The following PRKCA variants were observed in gnomAD, a reference collection of about 807,000 sequenced individuals.
The protein encoded by PRKCA is protein kinase C alpha type.
A neutral mutation model predicts 87.0 loss-of-function variants in PRKCA; 27 were observed. That is an observed-to-expected ratio of 0.31 (90% confidence interval 0.23 to 0.43). The LOEUF (loss-of-function observed/expected upper bound fraction) is 0.43. Among genes scored for constraint, PRKCA ranks in the 20% least tolerant of loss-of-function variants. The probability of loss-of-function intolerance (pLI) is 1.00; values close to 1 mark genes in which losing one functional copy is unlikely to be tolerated. For synonymous variants in PRKCA, 329 were observed against 311.1 expected (o/e 1.06, Z -0.61); for missense variants, 518 against 852.3 (o/e 0.61, Z 4.88).
At chr17:66,652,123 T>C (rs1971605649) in intron 5 of PRKCA, among the ~76,000 whole-genome samples, 2 of 152,088 alleles carry the variant, frequency 1.3e-5, no homozygotes, top group South Asian at 4.1e-4. Flanking sequence ...CATGCCCGGC[T>C]AATTTTTGTT....
At chr17:66,581,633 G>A (rs555751310) in intron 3 of PRKCA, among the ~76,000 whole-genome samples, 1 of 152,034 alleles carries the variant, frequency 6.6e-6, no homozygotes, top group South Asian at 2.1e-4. Context: ...CCGCCACCAC[G>A]CCTGGCTAAT....
intron 8 of PRKCA, among the ~76,000 whole-genome samples, chr17:66,725,915 A>C (rs1973736075): frequency 2.6e-5 from 4 of 152,064 alleles, no homozygotes; most frequent in Admixed American, 2.6e-4. Context: ...CCCAGGAGAC[A>C]TGGGTGGGGA....
intron 2 of PRKCA, among the ~76,000 whole-genome samples, chr17:66,431,617 C>T (rs542012367): frequency 3.9e-5 from 6 of 152,302 alleles, no homozygotes; most frequent in South Asian, 2.1e-4. Context: ...GGGTAGCTGT[C>T]GCTTCCCCTC....
chr17:66,471,874 G>A (rs1029090163), intron 2 of PRKCA, among the ~76,000 whole-genome samples: 3 of 152,074 alleles, frequency 2.0e-5, no homozygotes, highest in African/African-American at 7.2e-5. Flanking sequence ...GAACCATGTG[G>A]GTGGGGCCGG....
intron 2 of PRKCA, among the ~76,000 whole-genome samples, chr17:66,373,372 GGTAA>G (rs920585225): frequency 1.3e-5 from 2 of 152,132 alleles, no homozygotes; most frequent in African/African-American, 2.4e-5. Flanking sequence ...GCCCAGAGAG[GGTAA>G]GTGACTTGTC....
intron 2 of PRKCA, among the ~76,000 whole-genome samples, chr17:66,380,640 A>C (rs1280348299): frequency 6.6e-6 from 1 of 152,172 alleles, no homozygotes; most frequent in Non-Finnish European, 1.5e-5. Flanking sequence ...GCCTGCAGTA[A>C]AGGAATAATA....
rs574549821 is a variant in PRKCA, at chr17:66,566,147, G to A, written c.288+69864G>A. The stretch of plus-strand genomic sequence containing the variant: ...CCTGGACCCTCTCTCAGCACCCTTG[G>A]GCTAAGATGCACTCTTGAACACATT... On this transcript the variant is annotated intron_variant, in intron 3 of 16. Transcript: ENST00000413366. Among the ~76,000 whole-genome samples, 118 of 152,184 alleles carry A rather than the reference G, an allele frequency of 7.8e-4. 1 individual carries two copies. Among genetic ancestry groups the A allele is most frequent in the Middle Eastern group, 3.4e-3 (1 of 294 alleles).
intron 8 of PRKCA, among the ~76,000 whole-genome samples, chr17:66,706,499 C>T (rs959096374): frequency 6.6e-6 from 1 of 151,530 alleles, no homozygotes; most frequent in Non-Finnish European, 1.5e-5. Context: ...AAAAATTAGC[C>T]AGGCATGATG....
At chr17:66,751,446 G>T (rs1283765139) in intron 13 of PRKCA, among the ~76,000 whole-genome samples, 1 of 152,140 alleles carries the variant, frequency 6.6e-6, no homozygotes, top group African/African-American at 2.4e-5. Context: ...ATCACTTATT[G>T]CCCTGTCTCC....
At chr17:66,710,520 C>G (rs1381331408) in intron 8 of PRKCA, among the ~76,000 whole-genome samples, 2 of 152,096 alleles carry the variant, frequency 1.3e-5, no homozygotes, top group Admixed American at 6.5e-5. Context: ...AAAACACTTG[C>G]CTTGGTTTTT....
intron 3 of PRKCA, among the ~76,000 whole-genome samples, chr17:66,588,867 C>G (rs945282468): frequency 7.2e-5 from 11 of 151,970 alleles, no homozygotes; most frequent in African/African-American, 2.7e-4. Context: ...TCTCGAACTA[C>G]TGATCTCAGG....
In PRKCA at chr17:66,568,292, C is replaced by A. The variant is rs973565914; in HGVS notation, c.288+72009C>A. ...TGGCACCACTGCACTCCAGCCTAGA[C>A]GACAGAATAAGACTCTGTCTCAAAA... On this transcript the variant is annotated intron_variant, in intron 3 of 16. Coordinates refer to ENST00000413366, the MANE Select transcript of PRKCA (RefSeq NM_002737.3). Among the ~76,000 whole-genome samples, 5 of 152,274 alleles carry A rather than the reference C, an allele frequency of 3.3e-5. No homozygotes were observed. In the East Asian group the frequency reaches 9.7e-4, roughly 29 times the overall value.
intron 3 of PRKCA, among the ~76,000 whole-genome samples, chr17:66,531,382 G>A (rs1163284354): frequency 1.3e-5 from 2 of 152,230 alleles, no homozygotes; most frequent in Non-Finnish European, 2.9e-5. Context: ...TGGGCAGGTT[G>A]CAGGTCCATT....
At chr17:66,377,431 C>G (rs1431129640) in intron 2 of PRKCA, among the ~76,000 whole-genome samples, 2 of 151,544 alleles carry the variant, frequency 1.3e-5, no homozygotes, top group African/African-American at 4.8e-5. Flanking sequence ...TGGGGCTGAG[C>G]TAATGCAGAG....
At chr17:66,625,626 G>A (rs890528095) in intron 3 of PRKCA, among the ~76,000 whole-genome samples, 1 of 152,202 alleles carries the variant, frequency 6.6e-6, no homozygotes, top group Non-Finnish European at 1.5e-5. Context: ...GGGGAAAATA[G>A]CCTTCTGTTC....
intron 14 of PRKCA, chr17:66,778,181 G>A: frequency 1.0e-6 from 1 of 985,344 alleles, no homozygotes; most frequent in Non-Finnish European, 1.2e-6. Flanking sequence ...CACTTAGCCT[G>A]CCTTATATGC....
chr17:66,781,025 C>T (rs534336702), intron 14 of PRKCA, among the ~76,000 whole-genome samples: 3 of 152,096 alleles, frequency 2.0e-5, no homozygotes, highest in Non-Finnish European at 4.4e-5. Flanking sequence ...AAGAGAATCA[C>T]TTGAACCCAG....
In PRKCA at chr17:66,805,323, T is replaced by C. The variant is rs1976006759; in HGVS notation, c.*1286T>C. The stretch of plus-strand genomic sequence containing the variant: ...TAAACCTTAATAACAAGTGAATCTA[T>C]ATTATTGATATAATCGTATCAAGTA... On this transcript the variant is annotated 3_prime_UTR_variant, in exon 17 of 17. Coordinates refer to ENST00000413366, the MANE Select transcript of PRKCA (RefSeq NM_002737.3). 1 of 168,494 alleles carries C rather than the reference T, an allele frequency of 5.9e-6. No homozygotes were observed. Among genetic ancestry groups the C allele is most frequent in the Non-Finnish European group, 1.2e-5 (1 of 82,608 alleles). The allele number at this position is 168,494 out of a possible 1,614,324, so 10.4% of individuals were successfully genotyped here.
chr17:66,580,970 A>G lies in PRKCA; in HGVS notation c.289-60385A>G, dbSNP rs532846558. ...GATTTATCCCATGTTCCTAGAAATT[A>G]TAGAGATAACACAAGTGGAAAGACA... On this transcript the variant is annotated intron_variant, in intron 3 of 16. Transcript: ENST00000413366. 4.6e-5 allele frequency among the ~76,000 whole-genome samples: 7 copies of G among 151,826 alleles called. No individual in the cohort carries two copies. The South Asian group carries it at 1.5e-3, about 32-fold the overall frequency.
Sources: allele counts gnomAD v4.1 joint callset (sites outside exome capture counted in the v4.1 genomes callset), GRCh38; gene constraint gnomAD v4.1.1; transcripts MANE v1.5; gene names NCBI Gene and HGNC (gene_info 2026-07-23, HGNC 2026-07-21).